Variants in FAM118B observed in about 807,000 individuals in gnomAD.
FAM118B encodes protein FAM118B.
FAM118B carries 24 observed loss-of-function variants against 38.5 expected under a neutral mutation model. The observed-to-expected ratio is 0.62, with a 90% CI of 0.45 to 0.88. FAM118B has a LOEUF of 0.88. FAM118B is among the 40% of genes least tolerant of loss of function. The pLI is 0.00. For synonymous variants in FAM118B, 138 were observed against 156.3 expected (o/e 0.88, Z 0.87); for missense variants, 334 against 420.0 (o/e 0.80, Z 1.79).
intron 6 of FAM118B, 131 bp downstream of exon 6, chr11:126,254,564 G>A: frequency 8.2e-7 from 1 of 1,224,524 alleles, no homozygotes; most frequent in Non-Finnish European, 1.1e-6. Flanking sequence ...TAGGAGCAGT[G>A]GCTCATGCCT....
At position 126,255,354 on chromosome 11, in the gene FAM118B, A is replaced by G. The variant is rs1950561561; in HGVS notation, c.696+921A>G. On this transcript the variant is annotated intron_variant, in intron 6 of 8. Transcript: ENST00000533050. The surrounding 1 kb of genome is among the most constrained non-coding windows in gnomAD (Gnocchi z 4.6). ...AATAATGAGGCAAAAGACCGAGAAA[A>G]TGTATTGTCTAAAGCACAAGGGACT... is the stretch of plus-strand genomic sequence containing the variant. 6.6e-6 allele frequency among the ~76,000 whole-genome samples: 1 copy of G among 152,178 alleles called. No homozygotes were observed. The highest frequency in any genetic ancestry group is 1.5e-5 in the Non-Finnish European group (1 of 68,016).
Position 126,250,428 on chromosome 11 carries a change from T to C in FAM118B, c.340-78T>C, listed in dbSNP as rs1353309425. 3 of 955,212 alleles carry C rather than the reference T, an allele frequency of 3.1e-6. No individual in the cohort carries two copies. Among genetic ancestry groups the C allele is most frequent in the Non-Finnish European group, 4.9e-6 (3 of 617,712 alleles). 59.2% of individuals were successfully genotyped at this position (955,212 alleles called of 1,614,324 possible). On this transcript the variant is annotated intron_variant, in intron 4 of 8. Transcript: ENST00000533050. The surrounding 1 kb of genome is among the most constrained non-coding windows in gnomAD (Gnocchi z 5.1). ...TTGAATTCAAAATATTCTTCCAAAA[T>C]TTGTTACTGCTGTAACTAAAACAAC...
chr11:126,244,974 C>G lies in FAM118B; in HGVS notation c.339+3930C>G, dbSNP rs1017460728. ...TTGGTCTACAGATTAAGCATGGTCC[C>G]TATTAGGATCCAGCTGCTGATTTTG... is the stretch of plus-strand genomic sequence containing the variant. On this transcript the variant is annotated intron_variant, in intron 4 of 8. Transcript: ENST00000533050. The surrounding 1 kb of genome is among the most constrained non-coding windows in gnomAD (Gnocchi z 4.5). 1.3e-5 allele frequency: 2 copies of G among 152,158 alleles called. No individual in the cohort carries two copies. Among genetic ancestry groups the G allele is most frequent in the Admixed American group, 6.5e-5 (1 of 15,280 alleles). The allele number at this position is 152,158 out of a possible 1,614,324, so 9.4% of individuals were successfully genotyped here.
intron 1 of FAM118B, among the ~76,000 whole-genome samples, chr11:126,223,903 T>G (rs1591504385): frequency 6.6e-6 from 1 of 152,242 alleles, no homozygotes; most frequent in Admixed American, 6.5e-5. Context: ...TTAGGACGAT[T>G]GGCATATCCA....
intron 3 of FAM118B, among the ~76,000 whole-genome samples, chr11:126,239,187 C>T (rs1035522557): frequency 1.3e-5 from 2 of 151,918 alleles, no homozygotes; most frequent in African/African-American, 4.8e-5. Flanking sequence ...GTTGCCTAGG[C>T]TTGTCTCAAA....
At chr11:126,214,514 G>GTTTTTGTTTTTGTTTTTTTTTTT (rs1391249298) in intron 1 of FAM118B, 2 of 41,500 alleles carry the variant, frequency 4.8e-5, no homozygotes, top group African/African-American at 5.8e-5. Flanking sequence ...TTTTTTTTTT[G>GTTTTTGTTTTTGTTTTTTTTTTT]TTTTTTTTTT....
chr11:126,218,293 G>A (rs1450645547), intron 1 of FAM118B, among the ~76,000 whole-genome samples: 2 of 152,172 alleles, frequency 1.3e-5, no homozygotes, highest in Non-Finnish European at 2.9e-5. Flanking sequence ...GTCTGGATGT[G>A]TCTTCCCTCA....
chr11:126,230,157 T>C (rs578041066), intron 2 of FAM118B, among the ~76,000 whole-genome samples: 3 of 152,320 alleles, frequency 2.0e-5, no homozygotes, highest in Non-Finnish European at 4.4e-5. Context: ...TGTGCTGAGA[T>C]AGAGGAAACC....
At chr11:126,222,027 G>C (rs1170103926) in intron 1 of FAM118B, among the ~76,000 whole-genome samples, 3 of 152,148 alleles carry the variant, frequency 2.0e-5, no homozygotes, top group African/African-American at 7.2e-5. Context: ...CTTGTTAAGA[G>C]TGTGGCCCAC....
intron 3 of FAM118B, among the ~76,000 whole-genome samples, chr11:126,240,305 A>C (rs1300438345): frequency 6.9e-6 from 1 of 145,366 alleles, no homozygotes; most frequent in Non-Finnish European, 1.5e-5. Context: ...GTTAATGTTT[A>C]CAAAATTCAG....
intron 1 of FAM118B, among the ~76,000 whole-genome samples, chr11:126,215,475 G>C (rs1302809582): frequency 6.6e-6 from 1 of 152,086 alleles, no homozygotes; most frequent in East Asian, 1.9e-4. Flanking sequence ...GAGGTGGGCG[G>C]ATCACGAGAT....
intron 7 of FAM118B, among the ~76,000 whole-genome samples, chr11:126,258,867 A>G (rs77760499): frequency 0.11 from 16,459 of 152,310 alleles, 1,160 homozygotes; most frequent in Non-Finnish European, 0.16. Context: ...AGACTGTTGC[A>G]TTACATAACA....
chr11:126,258,522 A>T (rs968443354), intron 7 of FAM118B, among the ~76,000 whole-genome samples: 1 of 152,232 alleles, frequency 6.6e-6, no homozygotes, highest in Non-Finnish European at 1.5e-5. Context: ...AGCTTCTTCC[A>T]TGGCTATGCT....
intron 8 of FAM118B, 140 bp downstream of exon 8, chr11:126,261,624 C>G: frequency 1.5e-6 from 1 of 648,380 alleles, no homozygotes; most frequent in Non-Finnish European, 2.7e-6. Flanking sequence ...ATTTTCCTCT[C>G]CTACCCATTA....
chr11:126,220,908 C>A (rs1430282692), intron 1 of FAM118B, among the ~76,000 whole-genome samples: 1 of 151,454 alleles, frequency 6.6e-6, no homozygotes, highest in Admixed American at 6.6e-5. Flanking sequence ...AATAGTAGGC[C>A]GGGCGCAGTG....
intron 4 of FAM118B, among the ~76,000 whole-genome samples, chr11:126,249,377 G>A (rs1404127640): frequency 1.3e-5 from 2 of 152,150 alleles, no homozygotes; most frequent in African/African-American, 4.8e-5. Context: ...ATTATGGCAT[G>A]TAGAAGTTAA....
rs748667043 is a variant in FAM118B, at chr11:126,235,057, A to G, written c.56A>G (p.Asn19Ser). 5 of 1,614,046 alleles carry G rather than the reference A, an allele frequency of 3.1e-6. No individual in the cohort carries two copies. In the East Asian group the frequency reaches 8.9e-5, roughly 29 times the overall value. Reference sequence around the variant, plus strand: ...ATAGACGAGATTTTTGGATTCTTCAACGATGGCGAACCTCCCACCAAAAAG... The same window carrying G: ...ATAGACGAGATTTTTGGATTCTTCAGCGATGGCGAACCTCCCACCAAAAAG... ...SDIDEIFGFF[N>S]DGEPPTKKPR... Residue 19 changes from asparagine (N) to serine (S), a missense_variant, in exon 3 of 9, where the codon AAC (asparagine) becomes AGC (serine). Coordinates refer to ENST00000533050, the MANE Select transcript of FAM118B (RefSeq NM_024556.4).
Position 126,256,445 on chromosome 11 carries a change from A to C in FAM118B, c.697-122A>C, listed in dbSNP as rs1950580078. The C allele has an allele frequency of 1.2e-6, 1 of 800,462 alleles. No individual in the cohort carries two copies. The highest frequency in any genetic ancestry group is 2.6e-5 in the East Asian group (1 of 38,248). The allele number at this position is 800,462 out of a possible 1,614,324, so 49.6% of individuals were successfully genotyped here. ...ATCACACTCCTTGATGGGACATACC[A>C]ACCCACTTAAGTCTTGCTTAATTGG... On this transcript the variant is annotated intron_variant, in intron 6 of 8. Transcript: ENST00000533050. The surrounding 1 kb of genome is among the most constrained non-coding windows in gnomAD (Gnocchi z 6.6).
At chr11:126,247,864 A>AT (rs905605511) in intron 4 of FAM118B, among the ~76,000 whole-genome samples, 6 of 146,268 alleles carry the variant, frequency 4.1e-5, no homozygotes, top group African/African-American at 7.5e-5. Context: ...TCTCAAAAAA[A>AT]AAATATATAT....
Sources: gnomAD v4.1 joint callset for allele counts (sites outside exome capture counted in the v4.1 genomes callset) on GRCh38, gnomAD v4.1.1 for gene constraint, Gnocchi (gnomAD v3.1) non-coding constraint, MANE v1.5 for transcripts, NCBI Gene and HGNC (gene_info 2026-07-23, HGNC 2026-07-21) for gene names.